Variants in TAFA2 observed in about 807,000 individuals in gnomAD.
TAFA2 encodes the protein chemokine-like protein TAFA-2.
In TAFA2, 7 loss-of-function variants were observed where a neutral mutation model predicts 18.8. The ratio of observed to expected loss-of-function variants is 0.37; its 90% CI spans 0.21 to 0.70. The LOEUF (loss-of-function observed/expected upper bound fraction) is 0.70. Ranked by LOEUF, TAFA2 falls within the 30% of genes least tolerant of loss-of-function variation. The probability of loss-of-function intolerance (pLI) is 0.53; values close to 1 mark genes in which losing one functional copy is unlikely to be tolerated. For synonymous variants in TAFA2, 60 were observed against 54.2 expected, an observed-to-expected ratio of 1.11 and a Z score of -0.47; for missense variants, 122 against 158.1, an observed-to-expected ratio of 0.77 and a Z score of 1.23.
intron 2 of TAFA2, among the ~76,000 whole-genome samples, chr12:61,809,627 A>G (rs1418408188): frequency 6.6e-6 from 1 of 151,284 alleles, no homozygotes; most frequent in Non-Finnish European, 1.5e-5. Flanking sequence ...TTTTAATTTA[A>G]AAAAAAGCAT....
intron 2 of TAFA2, among the ~76,000 whole-genome samples, chr12:61,777,105 A>C (rs1429297407): frequency 1.3e-5 from 2 of 151,932 alleles, no homozygotes; most frequent in Non-Finnish European, 2.9e-5. Flanking sequence ...CATGCAGAGT[A>C]ACATGCCCTC....
At chr12:62,063,665 G>A (rs2136791646) in intron 1 of TAFA2, among the ~76,000 whole-genome samples, 1 of 152,214 alleles carries the variant, frequency 6.6e-6, no homozygotes, top group East Asian at 1.9e-4. Flanking sequence ...AAAATTCTGT[G>A]TTATCCAAAT....
chr12:62,213,404 G>C (rs2062721811), intron 1 of TAFA2, among the ~76,000 whole-genome samples: 1 of 152,104 alleles, frequency 6.6e-6, no homozygotes, highest in African/African-American at 2.4e-5. Flanking sequence ...CAGCATTTTG[G>C]GAGGCCGAGG....
At chr12:61,888,993 G>A (rs1391239442) in intron 1 of TAFA2, among the ~76,000 whole-genome samples, 1 of 152,210 alleles carries the variant, frequency 6.6e-6, no homozygotes, top group African/African-American at 2.4e-5. Context: ...GTTGGAGACT[G>A]TGTTTCCAGC....
intron 2 of TAFA2, among the ~76,000 whole-genome samples, chr12:61,828,352 A>G (rs918513682): frequency 2.0e-5 from 3 of 151,898 alleles, no homozygotes; most frequent in African/African-American, 7.2e-5. Context: ...AGAATCGTAA[A>G]ACAAAAGAAT....
At chr12:61,786,439 T>C (rs538917454) in intron 2 of TAFA2, among the ~76,000 whole-genome samples, 5 of 151,646 alleles carry the variant, frequency 3.3e-5, no homozygotes, top group African/African-American at 1.2e-4. Context: ...CACTCAAAAA[T>C]GACCAGCCAC....
intron 1 of TAFA2, among the ~76,000 whole-genome samples, chr12:62,185,218 A>C (rs556561138): frequency 1.3e-5 from 2 of 152,378 alleles, no homozygotes; most frequent in African/African-American, 4.8e-5. Context: ...TCCAAGAACT[A>C]AACTTTTAAA....
chr12:62,226,350 C>T (rs1425921675), intron 1 of TAFA2, among the ~76,000 whole-genome samples: 1 of 152,124 alleles, frequency 6.6e-6, no homozygotes, highest in Non-Finnish European at 1.5e-5. Context: ...CCCGCCACCA[C>T]GCCTGGCTAA....
intron 2 of TAFA2, among the ~76,000 whole-genome samples, chr12:61,828,316 T>C (rs187637450): frequency 1.2e-3 from 175 of 152,024 alleles, no homozygotes; most frequent in Admixed American, 2.6e-3. Context: ...GACCATTTTG[T>C]TACTTGCTGT....
chr12:61,801,602 ATCTAC>A (rs1178749167), intron 2 of TAFA2, among the ~76,000 whole-genome samples: 1 of 152,110 alleles, frequency 6.6e-6, no homozygotes. Context: ...ACATACAAAA[ATCTAC>A]TCAGTGTGGA....
intron 1 of TAFA2, among the ~76,000 whole-genome samples, chr12:62,248,619 G>A (rs550763290): frequency 3.9e-5 from 6 of 152,134 alleles, no homozygotes; most frequent in African/African-American, 7.2e-5. Context: ...GTACCAAGTC[G>A]TCAAGCAGAT....
chr12:61,776,434 C>A, intron 2 of TAFA2: 1 of 154,562 alleles, frequency 6.5e-6, no homozygotes, highest in South Asian at 2.0e-4. Context: ...ACCTCTGGAC[C>A]GCATAAAAGT....
intron 1 of TAFA2, among the ~76,000 whole-genome samples, chr12:62,050,336 C>T (rs370653555): frequency 7.9e-5 from 12 of 151,770 alleles, no homozygotes; most frequent in African/African-American, 2.2e-4. Flanking sequence ...TTTGGGAGGC[C>T]GAGGTGGGTA....
At chr12:61,973,198 A>C (rs531267232) in intron 1 of TAFA2, among the ~76,000 whole-genome samples, 1 of 151,762 alleles carries the variant, frequency 6.6e-6, no homozygotes, top group South Asian at 2.1e-4. Context: ...CATACCTGTG[A>C]ATGCAAATTA....
chr12:61,786,871 T>C (rs1330257733), intron 2 of TAFA2, among the ~76,000 whole-genome samples: 2 of 151,554 alleles, frequency 1.3e-5, no homozygotes, highest in East Asian at 1.9e-4. Flanking sequence ...TAAAAAGTTA[T>C]AGCTAACAAG....
At chr12:62,259,447 A>G (rs2062971741), upstream of TAFA2, 1 of 150,684 alleles carries the variant, frequency 6.6e-6, no homozygotes, top group Non-Finnish European at 1.5e-5. Flanking sequence ...ACTGTATAGC[A>G]TGTGGGCTCT....
intron 1 of TAFA2, among the ~76,000 whole-genome samples, chr12:61,932,205 G>C (rs566562020): frequency 6.6e-6 from 1 of 152,262 alleles, no homozygotes; most frequent in South Asian, 2.1e-4. Flanking sequence ...TCTCCAAAAC[G>C]TCACCACAAA....
chr12:62,008,184 A>G (rs933993725), intron 1 of TAFA2, among the ~76,000 whole-genome samples: 8 of 152,190 alleles, frequency 5.3e-5, no homozygotes, highest in African/African-American at 1.9e-4. Context: ...AACACCATGA[A>G]AAAAGTTTGA....
intron 2 of TAFA2, among the ~76,000 whole-genome samples, chr12:61,831,515 A>C (rs959970760): frequency 5.3e-5 from 8 of 152,152 alleles, no homozygotes; most frequent in African/African-American, 1.9e-4. Flanking sequence ...CCTTTACCCT[A>C]AGCACAGTGG....
Sources: allele counts gnomAD v4.1 joint callset (sites outside exome capture counted in the v4.1 genomes callset), GRCh38; gene constraint gnomAD v4.1.1; transcripts MANE v1.5; gene names NCBI Gene and HGNC (gene_info 2026-07-23, HGNC 2026-07-21).